ABCC4: variants seen among roughly 807,000 people sequenced by gnomAD.
The protein encoded by ABCC4 is ATP binding cassette subfamily C member 4 (PEL blood group).
ABCC4 carries 102 observed loss-of-function variants against 168.5 expected under a neutral mutation model. That is an observed-to-expected ratio of 0.61 (90% CI 0.52 to 0.71). The LOEUF is 0.71. Among genes scored for constraint, ABCC4 ranks in the 30% least tolerant of loss-of-function variants. ABCC4 has a pLI of 0.00. For synonymous variants in ABCC4, 617 were observed against 590.7 expected (o/e 1.04, Z -0.65); for missense variants, 1,402 against 1,605.8 (o/e 0.87, Z 2.17).
At chr13:95,102,812 G>A (rs1007146730) in intron 20 of ABCC4, among the ~76,000 whole-genome samples, 15 of 150,018 alleles carry the variant, frequency 1.0e-4, no homozygotes, top group Admixed American at 2.0e-4. Context: ...GTAGAGATGG[G>A]GTTTCACCAT....
chr13:95,154,127 TTG>T (rs1483066665), intron 19 of ABCC4, among the ~76,000 whole-genome samples: 2 of 152,244 alleles, frequency 1.3e-5, no homozygotes, highest in Non-Finnish European at 2.9e-5. Context: ...ATGCAATCTT[TTG>T]TGTTATTCCC....
chr13:95,169,915 G>A (rs1409142610), intron 14 of ABCC4, among the ~76,000 whole-genome samples: 5 of 152,240 alleles, frequency 3.3e-5, no homozygotes, highest in South Asian at 2.1e-4. Flanking sequence ...GGAGTGCAAC[G>A]GCATGATCTC....
At chr13:95,165,879 A>G (rs1226467857) in intron 15 of ABCC4, among the ~76,000 whole-genome samples, 2 of 152,176 alleles carry the variant, frequency 1.3e-5, no homozygotes, top group African/African-American at 4.8e-5. Context: ...CAAGAATTGT[A>G]GTATTAGTGT....
intron 1 of ABCC4, among the ~76,000 whole-genome samples, chr13:95,254,258 G>T (rs2040339853): frequency 6.6e-6 from 1 of 152,048 alleles, no homozygotes; most frequent in African/African-American, 2.4e-5. Context: ...ACTACACACA[G>T]AATTTCTCAG....
intron 4 of ABCC4, among the ~76,000 whole-genome samples, chr13:95,219,739 G>T (rs2039258847): frequency 6.6e-6 from 1 of 152,188 alleles, no homozygotes; most frequent in East Asian, 1.9e-4. Context: ...AGCTGGTCTT[G>T]AACTCCTAGG....
chr13:95,069,965 C>G (rs2033672045), intron 25 of ABCC4, among the ~76,000 whole-genome samples: 2 of 152,126 alleles, frequency 1.3e-5, no homozygotes, highest in Admixed American at 6.5e-5. Context: ...TCTGGCCAGG[C>G]ATGGTGGCTC....
At chr13:95,089,881 G>GA (rs540188277) in intron 20 of ABCC4, among the ~76,000 whole-genome samples, 88 of 140,698 alleles carry the variant, frequency 6.3e-4, no homozygotes, top group Admixed American at 1.1e-3. Context: ...GTCAAAAAAA[G>GA]AAAAAAAAAA....
intron 19 of ABCC4, among the ~76,000 whole-genome samples, chr13:95,147,219 T>C (rs1366926235): frequency 1.3e-5 from 2 of 152,230 alleles, no homozygotes; most frequent in Non-Finnish European, 2.9e-5. Context: ...TTCTATTTTT[T>C]ATATATCACA....
chr13:95,226,279 G>A (rs1424157625), intron 4 of ABCC4, among the ~76,000 whole-genome samples: 1 of 152,000 alleles, frequency 6.6e-6, no homozygotes, highest in Non-Finnish European at 1.5e-5. Flanking sequence ...ACTTAGAATA[G>A]TCAAAACAAT....
chr13:95,225,147 T>TCA (rs777506746), intron 4 of ABCC4, among the ~76,000 whole-genome samples: 7 of 100,700 alleles, frequency 7.0e-5, no homozygotes, highest in African/African-American at 2.3e-4. Context: ...TCTGTCTCTC[T>TCA]CTCTCTCACA....
At chr13:95,220,081 G>A (rs1459245754) in intron 4 of ABCC4, among the ~76,000 whole-genome samples, 2 of 151,410 alleles carry the variant, frequency 1.3e-5, no homozygotes, top group African/African-American at 4.8e-5. Flanking sequence ...GATCAGGCTG[G>A]TCTCGAAATC....
At chr13:95,089,175 A>G (rs2034349869) in intron 20 of ABCC4, among the ~76,000 whole-genome samples, 1 of 152,218 alleles carries the variant, frequency 6.6e-6, no homozygotes, top group South Asian at 2.1e-4. Context: ...TAAGAATATG[A>G]ATTCATGACA....
chr13:95,283,632 AG>A (rs1338316298), intron 1 of ABCC4, among the ~76,000 whole-genome samples: 2 of 152,012 alleles, frequency 1.3e-5, no homozygotes, highest in African/African-American at 2.4e-5. Context: ...AGATTAAGAG[AG>A]GGGGCCAGGC....
chr13:95,268,639 C>A (rs1215145827), intron 1 of ABCC4, among the ~76,000 whole-genome samples: 1 of 152,212 alleles, frequency 6.6e-6, no homozygotes, highest in African/African-American at 2.4e-5. Flanking sequence ...GGCAGTACTG[C>A]TGTTTAATGC....
rs1451095498 is a variant in ABCC4, at chr13:95,156,797, G to C, written c.2455+4392C>G. ...AGAGGAGGATAAAAAGACGAGAAAG[G>C]AAAACCGGCTCTTGGCAGGGCGCGG... On this transcript the variant is annotated intron_variant, in intron 19 of 30. Transcript: ENST00000645237. Among the ~76,000 whole-genome samples the C allele has an allele frequency of 2.6e-5, 4 of 152,142 alleles. No individual in the cohort carries two copies. The East Asian group carries it at 7.7e-4, about 29-fold the overall frequency.
At chr13:95,170,457 G>C (rs2037427563) in intron 14 of ABCC4, 75 bp downstream of exon 14, 1 of 824,960 alleles carries the variant, frequency 1.2e-6, no homozygotes, top group Non-Finnish European at 1.9e-6. Flanking sequence ...AAAGGAACAT[G>C]AAATGGAGGA....
At chr13:95,063,003 G>GCTCAGAAGGTCAT in intron 25 of ABCC4, 144 bp from the exon 26 acceptor site, 1 of 972,568 alleles carries the variant, frequency 1.0e-6, no homozygotes, top group Non-Finnish European at 1.5e-6. Context: ...CCCAACCTCA[G>GCTCAGAAGGTCAT]CACTGATGAC....
In ABCC4 at chr13:95,071,806, T is replaced by C. The variant is rs910729405; in HGVS notation, c.3066A>G (p.Glu1022=). ...RVIEYTDLEK[E]APWEYQKRPP... ...GGCGTTTCTGATATTCCCAAGGTGC[T>C]TCTTTTTCAAGGTCTGTGTATTCAA... The change falls in exon 25 of 31, where the codon GAA becomes GAG. Residue 1022 remains glutamate, a synonymous_variant. Transcript: ENST00000645237. 1.1e-5 allele frequency: 18 copies of C among 1,601,606 alleles called. No homozygotes were observed. Among genetic ancestry groups the C allele is most frequent in the Non-Finnish European group, 1.4e-5 (17 of 1,175,376 alleles).
intron 1 of ABCC4, among the ~76,000 whole-genome samples, chr13:95,273,460 G>A (rs1001644935): frequency 2.6e-5 from 4 of 152,292 alleles, no homozygotes; most frequent in Non-Finnish European, 5.9e-5. Flanking sequence ...GACTCAGGGT[G>A]TGCCACCAGT....
Sources: gnomAD v4.1 joint callset for allele counts (sites outside exome capture counted in the v4.1 genomes callset) on GRCh38, gnomAD v4.1.1 for gene constraint, MANE v1.5 for transcripts, NCBI Gene and HGNC (gene_info 2026-07-23, HGNC 2026-07-21) for gene names.